Variants in JAZF1 observed in about 807,000 individuals in gnomAD.
JAZF1 encodes juxtaposed with another zinc finger protein 1.
In JAZF1, 8 loss-of-function variants were observed where a neutral mutation model predicts 26.4. The ratio of observed to expected loss-of-function variants is 0.30; its 90% CI spans 0.18 to 0.55. The LOEUF is 0.55. Ranked by LOEUF, JAZF1 falls within the 20% of genes least tolerant of loss-of-function variation. The pLI is 0.94. For synonymous variants in JAZF1, 126 were observed against 122.3 expected (o/e 1.03, Z -0.20); for missense variants, 199 against 322.0 (o/e 0.62, Z 2.92).
At chr7:27,884,225 G>A (rs1000285915) in intron 3 of JAZF1, among the ~76,000 whole-genome samples, 1 of 152,050 alleles carries the variant, frequency 6.6e-6, no homozygotes, top group Non-Finnish European at 1.5e-5. Context: ...GCGACCTCCT[G>A]GACTCAAGCC....
intron 1 of JAZF1, among the ~76,000 whole-genome samples, chr7:28,085,068 G>A (rs1413638960): frequency 6.6e-6 from 1 of 152,102 alleles, no homozygotes; most frequent in African/African-American, 2.4e-5. Context: ...TCCATAACTG[G>A]AAGAAATAAA....
chr7:27,937,340 G>A (rs570083612), intron 2 of JAZF1, among the ~76,000 whole-genome samples: 3 of 152,232 alleles, frequency 2.0e-5, no homozygotes, highest in Admixed American at 2.0e-4. Flanking sequence ...CCCTAGCTCT[G>A]CCTATTTTCT....
intron 3 of JAZF1, among the ~76,000 whole-genome samples, chr7:27,850,744 T>A (rs1783129648): frequency 6.6e-6 from 1 of 152,110 alleles, no homozygotes; most frequent in Admixed American, 6.5e-5. Context: ...AGAGCAGCCC[T>A]GGGCCTCATC....
intron 3 of JAZF1, among the ~76,000 whole-genome samples, chr7:27,846,943 T>G (rs1783041876): frequency 1.3e-5 from 2 of 151,776 alleles, no homozygotes; most frequent in African/African-American, 4.8e-5. Context: ...TGCAGAAGCT[T>G]TTTAGTTTGA....
chr7:27,896,487 C>T (rs1396239055), intron 2 of JAZF1, among the ~76,000 whole-genome samples: 1 of 152,176 alleles, frequency 6.6e-6, no homozygotes, highest in Non-Finnish European at 1.5e-5. Flanking sequence ...ATTCCATGCC[C>T]CCCAAGGCCT....
intron 1 of JAZF1, among the ~76,000 whole-genome samples, chr7:28,145,305 G>A (rs1023077278): frequency 2.6e-5 from 4 of 152,198 alleles, no homozygotes; most frequent in Admixed American, 6.5e-5. Flanking sequence ...TCCGGGTACT[G>A]AGGGTATGAA....
chr7:28,031,409 G>A (rs1173513005), intron 1 of JAZF1, among the ~76,000 whole-genome samples: 1 of 152,140 alleles, frequency 6.6e-6, no homozygotes, highest in African/African-American at 2.4e-5. Context: ...AAGAGAAAGT[G>A]TTTGTGGGAA....
intron 1 of JAZF1, among the ~76,000 whole-genome samples, chr7:28,039,129 T>C (rs1202437420): frequency 1.3e-5 from 2 of 152,228 alleles, no homozygotes; most frequent in Non-Finnish European, 2.9e-5. Context: ...CGTAAGCTCA[T>C]AGCATCTTAA....
intron 4 of JAZF1, among the ~76,000 whole-genome samples, chr7:27,839,202 A>G (rs1385213311): frequency 6.6e-6 from 1 of 152,168 alleles, no homozygotes; most frequent in Non-Finnish European, 1.5e-5. Flanking sequence ...AGCCGAGTAC[A>G]GGTCATTACT....
At chr7:27,917,089 C>T (rs1265180044) in intron 2 of JAZF1, among the ~76,000 whole-genome samples, 2 of 152,104 alleles carry the variant, frequency 1.3e-5, no homozygotes, top group African/African-American at 2.4e-5. Context: ...AAGAAATAAC[C>T]GATTGTACCT....
chr7:27,843,777 T>A (rs1420696282), intron 3 of JAZF1: 2 of 152,354 alleles, frequency 1.3e-5, no homozygotes, highest in African/African-American at 4.8e-5. Context: ...TTCAAATTGC[T>A]CATCTGTAAA....
At chr7:27,973,170 C>A (rs1785409552) in intron 2 of JAZF1, among the ~76,000 whole-genome samples, 1 of 152,066 alleles carries the variant, frequency 6.6e-6, no homozygotes, top group Admixed American at 6.5e-5. Flanking sequence ...TATATTTGTA[C>A]ACAATTTTAA....
At chr7:27,920,246 TATA>T (rs1430777913) in intron 2 of JAZF1, among the ~76,000 whole-genome samples, 2 of 152,136 alleles carry the variant, frequency 1.3e-5, no homozygotes, top group African/African-American at 2.4e-5. Flanking sequence ...ATAATTTTAT[TATA>T]ATTGTTAACA....
At chr7:27,841,222 C>T (rs1257647664) in intron 3 of JAZF1, 1 of 221,796 alleles carries the variant, frequency 4.5e-6, no homozygotes, top group East Asian at 1.1e-4. Flanking sequence ...ATGACAGGCT[C>T]CTCACACTCC....
intron 2 of JAZF1, among the ~76,000 whole-genome samples, chr7:27,954,584 A>C (rs1207806427): frequency 6.6e-6 from 1 of 152,172 alleles, no homozygotes; most frequent in African/African-American, 2.4e-5. Context: ...TCAGCAACTC[A>C]AATGCAGGTG....
chr7:28,088,877 C>T (rs1245175941), intron 1 of JAZF1, among the ~76,000 whole-genome samples: 2 of 152,182 alleles, frequency 1.3e-5, no homozygotes, highest in African/African-American at 4.8e-5. Flanking sequence ...TAATAATGGG[C>T]TTGATTCTCA....
intron 1 of JAZF1, among the ~76,000 whole-genome samples, chr7:28,143,371 T>C (rs1236300347): frequency 6.6e-6 from 1 of 152,194 alleles, no homozygotes; most frequent in African/African-American, 2.4e-5. Context: ...TTGTCTCTGG[T>C]GAAGCCTTCT....
At chr7:28,122,765 T>C (rs1233965472) in intron 1 of JAZF1, among the ~76,000 whole-genome samples, 1 of 152,096 alleles carries the variant, frequency 6.6e-6, no homozygotes, top group Non-Finnish European at 1.5e-5. Context: ...TCATTCTCTA[T>C]GTAATGAGCC....
At chr7:27,932,244 C>T (rs1313297709) in intron 2 of JAZF1, among the ~76,000 whole-genome samples, 1 of 152,156 alleles carries the variant, frequency 6.6e-6, no homozygotes, top group Non-Finnish European at 1.5e-5. Context: ...ACATTTCCCC[C>T]AACTGTTCTC....
Sources: gnomAD v4.1 joint callset for allele counts (sites outside exome capture counted in the v4.1 genomes callset) on GRCh38, gnomAD v4.1.1 for gene constraint, MANE v1.5 for transcripts, NCBI Gene and HGNC (gene_info 2026-07-23, HGNC 2026-07-21) for gene names.